The following LRRC37A2 variants were observed in gnomAD, a reference collection of about 807,000 sequenced individuals.
LRRC37A2 encodes the protein leucine rich repeat containing 37 member A2, also known as leucine-rich repeat-containing protein 37A2.
In LRRC37A2, 9 loss-of-function variants were observed where a neutral mutation model predicts 68.8. The ratio of observed to expected loss-of-function variants is 0.13; its 90% CI spans 0.08 to 0.23. The LOEUF (loss-of-function observed/expected upper bound fraction) is 0.23, where lower values mean the gene tolerates loss of function less well. Ranked by LOEUF, LRRC37A2 falls within the 10% of genes least tolerant of loss-of-function variation. The probability of loss-of-function intolerance (pLI) is 1.00; values close to 1 mark genes in which losing one functional copy is unlikely to be tolerated. For missense variants in LRRC37A2, 168 were observed against 950.4 expected, an observed-to-expected ratio of 0.18 and a Z score of 10.82; for synonymous variants, 63 against 367.6, an observed-to-expected ratio of 0.17 and a Z score of 9.48.
At chr17:46,770,185 G>T in the LRRC37A2 span, 4 of 1,229,718 alleles carry the variant, frequency 3.3e-6, no homozygotes, top group Non-Finnish European at 4.4e-6. Context: ...AGGCAAGAGG[G>T]AGGCAGCTTC....
chr17:46,958,434 T>C, the LRRC37A2 span, among the ~76,000 whole-genome samples: 1 of 152,178 alleles, frequency 6.6e-6, no homozygotes, highest in South Asian at 2.1e-4. Flanking sequence ...GAGAATGGCT[T>C]CCTTTTATTC....
chr17:46,910,824 G>A, the LRRC37A2 span, among the ~76,000 whole-genome samples: 1 of 152,318 alleles, frequency 6.6e-6, no homozygotes, highest in African/African-American at 2.4e-5. Flanking sequence ...CCCAGCATAG[G>A]ATCCATGACT....
the LRRC37A2 span, among the ~76,000 whole-genome samples, chr17:46,681,524 C>T: frequency 2.7e-5 from 4 of 149,492 alleles, no homozygotes; most frequent in African/African-American, 1.0e-4. Context: ...TTACATAGAT[C>T]GACATGAATA....
At chr17:46,709,441 G>A in the LRRC37A2 span, among the ~76,000 whole-genome samples, 2 of 151,846 alleles carry the variant, frequency 1.3e-5, no homozygotes, top group African/African-American at 4.8e-5. Context: ...AGCTTCTGCT[G>A]TGAGGCTTGG....
the LRRC37A2 span, chr17:46,833,092 A>C: frequency 5.6e-6 from 2 of 355,832 alleles, no homozygotes; most frequent in Non-Finnish European, 1.1e-5. Context: ...GCCAGGAAAG[A>C]GCAAAAAGAG....
At chr17:46,813,262 T>C in the LRRC37A2 span, among the ~76,000 whole-genome samples, 2 of 151,422 alleles carry the variant, frequency 1.3e-5, no homozygotes, top group Non-Finnish European at 2.9e-5. Context: ...GACCCCTCCA[T>C]GTGGTTAAGG....
the LRRC37A2 span, among the ~76,000 whole-genome samples, chr17:46,863,535 G>A: frequency 6.6e-6 from 1 of 152,196 alleles, no homozygotes; most frequent in African/African-American, 2.4e-5. Flanking sequence ...AAAGAGGATG[G>A]TTAGAGGGGG....
chr17:46,985,124 G>A, the LRRC37A2 span, among the ~76,000 whole-genome samples: 3 of 152,166 alleles, frequency 2.0e-5, no homozygotes, highest in African/African-American at 7.2e-5. Context: ...TACTGCATCT[G>A]GTACGGAATT....
At chr17:46,830,960 G>T in the LRRC37A2 span, 2 of 393,768 alleles carry the variant, frequency 5.1e-6, no homozygotes, top group Non-Finnish European at 8.9e-6. Context: ...CCTTTGCAGG[G>T]CCATAGTGTC....
At chr17:46,772,636 A>G in the LRRC37A2 span, among the ~76,000 whole-genome samples, 1 of 152,190 alleles carries the variant, frequency 6.6e-6, no homozygotes, top group Admixed American at 6.5e-5. Flanking sequence ...ATCATCATCC[A>G]TTGATTTGCT....
the LRRC37A2 span, among the ~76,000 whole-genome samples, chr17:47,026,402 T>C: frequency 9.8e-5 from 15 of 152,318 alleles, no homozygotes; most frequent in Non-Finnish European, 2.2e-4. Context: ...GTAAGGTAGA[T>C]CTGCATCACA....
At chr17:46,916,203 A>G in the LRRC37A2 span, among the ~76,000 whole-genome samples, 1 of 152,246 alleles carries the variant, frequency 6.6e-6, no homozygotes, top group East Asian at 1.9e-4. Flanking sequence ...TGTAAGGCCA[A>G]CCAGCTTTTA....
chr17:46,952,928 C>T, the LRRC37A2 span: 1 of 152,176 alleles, frequency 6.6e-6, no homozygotes, highest in African/African-American at 2.4e-5. Context: ...TCTGTTCTCT[C>T]CTCCCAAGAT....
At chr17:46,779,987 G>A in the LRRC37A2 span, among the ~76,000 whole-genome samples, 5 of 152,294 alleles carry the variant, frequency 3.3e-5, no homozygotes, top group Non-Finnish European at 2.9e-5. Flanking sequence ...TGGAACTCCT[G>A]ACCAAGTGAT....
chr17:46,977,371 T>C, the LRRC37A2 span, among the ~76,000 whole-genome samples: 180 of 152,310 alleles, frequency 1.2e-3, 1 homozygote, highest in African/African-American at 2.6e-3. Context: ...GGACTAAGTG[T>C]AGTGGGGGAT....
chr17:46,896,008 G>A, the LRRC37A2 span, among the ~76,000 whole-genome samples: 10 of 152,140 alleles, frequency 6.6e-5, no homozygotes, highest in Non-Finnish European at 1.3e-4. Context: ...GCTGGGCGCA[G>A]TGGCTCATGC....
At chr17:46,971,425 G>C in the LRRC37A2 span, among the ~76,000 whole-genome samples, 1 of 152,240 alleles carries the variant, frequency 6.6e-6, no homozygotes, top group Non-Finnish European at 1.5e-5. Flanking sequence ...TGATAGTCAA[G>C]GTCCTGGCAT....
the LRRC37A2 span, among the ~76,000 whole-genome samples, chr17:46,898,369 A>C: frequency 6.6e-6 from 1 of 152,260 alleles, no homozygotes; most frequent in South Asian, 2.1e-4. Context: ...CATGTAAAAT[A>C]ATTCCCATGG....
chr17:46,959,119 A>G, the LRRC37A2 span, among the ~76,000 whole-genome samples: 1 of 152,198 alleles, frequency 6.6e-6, no homozygotes, highest in African/African-American at 2.4e-5. Flanking sequence ...GGAATCTAGA[A>G]TGTGGCTAGG....
Sources: allele counts gnomAD v4.1 joint callset (sites outside exome capture counted in the v4.1 genomes callset), GRCh38; gene constraint gnomAD v4.1.1; transcripts MANE v1.5; gene names NCBI Gene and HGNC (gene_info 2026-07-23, HGNC 2026-07-21).